The following TAAR1 variants were observed in gnomAD, a reference collection of about 807,000 sequenced individuals.
TAAR1 encodes trace amine-associated receptor 1.
Under a neutral mutation model 1.2 loss-of-function variants are expected in TAAR1, and 1 was observed. The observed-to-expected ratio is 0.81, with a 90% CI of 0.29 to 3.86. The LOEUF (loss-of-function observed/expected upper bound fraction) is 3.86. Ranked by LOEUF, TAAR1 falls within the 30% of genes most tolerant of loss-of-function variation. The pLI is 0.18. For synonymous variants in TAAR1, 153 were observed against 132.2 expected, an observed-to-expected ratio of 1.16 and a Z score of -1.08; for missense variants, 445 against 405.6, an observed-to-expected ratio of 1.10 and a Z score of -0.83.
In TAAR1 at chr6:132,658,106, CAATAAT is replaced by C. The variant is rs1434888928; in HGVS notation, c.-127+1018_-127+1023del. On this transcript the variant is annotated intron_variant, in intron 1 of 1. Transcript: ENST00000275216. The stretch of plus-strand genomic sequence containing the variant: ...GTTCTATTATAAAATGTAAAATAGA[CAATAAT>C]AATTTTACTCCAAAACTATACTTGT... Among the ~76,000 whole-genome samples, 4 of 151,940 alleles carry C rather than the reference CAATAAT, an allele frequency of 2.6e-5. No homozygotes were observed. The South Asian group carries it at 6.2e-4, about 24-fold the overall frequency.
At chr6:132,656,714 G>T (rs1777807759) in intron 1 of TAAR1, among the ~76,000 whole-genome samples, 2 of 152,136 alleles carry the variant, frequency 1.3e-5, no homozygotes, top group African/African-American at 4.8e-5. Flanking sequence ...GAAAGAACTG[G>T]TTATTTTAAA....
intron 1 of TAAR1, among the ~76,000 whole-genome samples, chr6:132,653,678 A>C (rs2114286170): frequency 6.6e-6 from 1 of 152,318 alleles, no homozygotes; most frequent in Non-Finnish European, 1.5e-5. Context: ...GATTTGTGGG[A>C]GAGAATTTAA....
chr6:132,651,567 A>G (rs1417309591), intron 1 of TAAR1, among the ~76,000 whole-genome samples: 1 of 152,162 alleles, frequency 6.6e-6, no homozygotes, highest in Non-Finnish European at 1.5e-5. Context: ...TCATCAATAA[A>G]TGATCTTGGC....
intron 1 of TAAR1, among the ~76,000 whole-genome samples, chr6:132,653,030 T>A (rs1309681085): frequency 6.6e-6 from 1 of 152,040 alleles, no homozygotes; most frequent in African/African-American, 2.4e-5. Context: ...AACAGTGGTG[T>A]CCTAATGAAC....
chr6:132,645,836 G>A lies in TAAR1; in HGVS notation c.168C>T (p.Thr56=), dbSNP rs372507128. Residue 56 remains threonine, a synonymous_variant, in exon 2 of 2, where the codon ACC becomes ACT. Transcript: ENST00000275216. The part of the protein sequence containing the change: ...VSISHFKQLH[T]PTNWLIHSMA... The stretch of plus-strand genomic sequence containing the variant: ...TGGAATGAATGAGCCAATTTGTTGG[G>A]GTATGAAGTTGTTTGAAGTGTGATA... 8.1e-6 allele frequency: 13 copies of A among 1,613,618 alleles called. No individual in the cohort carries two copies. The East Asian group carries it at 2.9e-4, about 36-fold the overall frequency.
intron 1 of TAAR1, among the ~76,000 whole-genome samples, chr6:132,649,773 A>G (rs1777730672): frequency 6.6e-6 from 1 of 152,122 alleles, no homozygotes; most frequent in Non-Finnish European, 1.5e-5. Context: ...ATTACCTCCC[A>G]CCAGGTCCCT....
At position 132,646,128 on chromosome 6, in the gene TAAR1, A is replaced by C; in HGVS notation, c.-125T>G. On this transcript the variant is annotated splice_region_variant and 5_prime_UTR_variant, in exon 2 of 2. Transcript: ENST00000275216. ...TTATTTGCACATACTTATCCCAGAA[A>C]CCTAGGAGGAAAAATAAAAGAGTAA... 1 of 1,088,808 alleles carries C rather than the reference A, an allele frequency of 9.2e-7. No individual in the cohort carries two copies. Among genetic ancestry groups the C allele is most frequent in the Non-Finnish European group, 1.3e-6 (1 of 766,928 alleles). 67.4% of individuals were successfully genotyped at this position (1,088,808 alleles called of 1,614,324 possible).
In TAAR1 at chr6:132,643,795, G is replaced by C. The variant is rs1305175806; in HGVS notation, c.*1189C>G. Among the ~76,000 whole-genome samples the C allele has an allele frequency of 2.6e-5, 4 of 152,026 alleles. No homozygotes were observed. In the East Asian group the frequency reaches 5.8e-4, roughly 22 times the overall value. ...TTAGAATGTTTGCCCACTTCCTTTA[G>C]AGAATCTTATTTGAAACCATTATTT... is the stretch of plus-strand genomic sequence containing the variant. On this transcript the variant is annotated 3_prime_UTR_variant, in exon 2 of 2. Transcript: ENST00000275216.
intron 1 of TAAR1, among the ~76,000 whole-genome samples, chr6:132,655,794 G>A (rs1777799372): frequency 6.6e-6 from 1 of 152,234 alleles, no homozygotes. Context: ...TTGGAGCACA[G>A]CAATGTTTGT....
At chr6:132,649,260 C>T (rs1209726267) in intron 1 of TAAR1, among the ~76,000 whole-genome samples, 2 of 152,066 alleles carry the variant, frequency 1.3e-5, no homozygotes, top group African/African-American at 4.8e-5. Context: ...ATCTGCTTCC[C>T]ACTCTTTGTT....
chr6:132,653,467 A>T (rs1028984818), intron 1 of TAAR1, among the ~76,000 whole-genome samples: 1 of 152,118 alleles, frequency 6.6e-6, no homozygotes, highest in Non-Finnish European at 1.5e-5. Flanking sequence ...TGTGTGTGTT[A>T]TTCTTTGTGT....
At chr6:132,648,534 C>T (rs73775161) in intron 1 of TAAR1, among the ~76,000 whole-genome samples, 1,747 of 152,252 alleles carry the variant, frequency 0.011, 29 homozygotes, top group African/African-American at 0.04. Flanking sequence ...TTTGCACATA[C>T]TGGTTTAAGA....
chr6:132,645,311 G>T lies in TAAR1; in HGVS notation c.693C>A (p.Leu231=). The change falls in exon 2 of 2, where the codon CTC becomes CTA. Residue 231 remains leucine (L), a synonymous_variant. Coordinates refer to ENST00000275216, the MANE Select transcript of TAAR1 (RefSeq NM_138327.4). ...ARLISDANQK[L]QIGLEMKNGI... is the part of the protein sequence containing the mutation. Reference sequence around the variant, plus strand: ...CATTTTTCATTTCCAATCCAATTTGGAGCTTCTGATTGGCATCACTAATTA... The same window carrying T: ...CATTTTTCATTTCCAATCCAATTTGTAGCTTCTGATTGGCATCACTAATTA... 3.1e-6 allele frequency: 5 copies of T among 1,613,378 alleles called. No homozygotes were observed. Among genetic ancestry groups the T allele is most frequent in the Non-Finnish European group, 4.2e-6 (5 of 1,179,712 alleles).
rs41286174 is a variant in TAAR1, at chr6:132,645,612, T to C, written c.392A>G (p.Tyr131Cys). The change falls in exon 2 of 2, where the codon TAT becomes TGT. Residue 131 changes from tyrosine to cysteine, a missense_variant. Tyr to Cys is a radical substitution (Grantham distance 194). Coordinates refer to ENST00000275216, the MANE Select transcript of TAAR1 (RefSeq NM_138327.4). ...AACCAAGATATTCATCTTGGCTTTA[T>C]ATCTCAGTGGATCACACACAGCATA... is the stretch of plus-strand genomic sequence containing the variant. Reference protein sequence around the residue: ...RYYAVCDPLRYKAKMNILVIC... With the variant: ...RYYAVCDPLRCKAKMNILVIC... 1.9e-6 allele frequency: 3 copies of C among 1,613,700 alleles called. No homozygotes were observed. The highest frequency in any genetic ancestry group is 2.5e-6 in the Non-Finnish European group (3 of 1,179,828).
chr6:132,658,842 T>C (rs1021088025), intron 1 of TAAR1, among the ~76,000 whole-genome samples: 15 of 152,182 alleles, frequency 9.9e-5, no homozygotes, highest in African/African-American at 3.6e-4. Context: ...CATAAATGAA[T>C]TTTTAATAAA....
chr6:132,656,731 G>T (rs1015946282), intron 1 of TAAR1, among the ~76,000 whole-genome samples: 2 of 152,156 alleles, frequency 1.3e-5, no homozygotes, highest in Non-Finnish European at 2.9e-5. Context: ...TAAAAGGAAA[G>T]AAGTTCAGGC....
intron 1 of TAAR1, among the ~76,000 whole-genome samples, chr6:132,658,699 A>T (rs191514610): frequency 6.6e-6 from 1 of 152,190 alleles, no homozygotes; most frequent in Admixed American, 6.5e-5. Flanking sequence ...TAATTGTAAA[A>T]CCTAAAAAAA....
At chr6:132,651,475 C>A (rs577140105) in intron 1 of TAAR1, among the ~76,000 whole-genome samples, 2 of 152,176 alleles carry the variant, frequency 1.3e-5, no homozygotes, top group Non-Finnish European at 2.9e-5. Context: ...ATATCTAGAA[C>A]ATGACAACTC....
rs1367027207 is a variant in TAAR1 at position 132,645,986 on chromosome 6, G to T, written c.18C>A (p.His6Gln). The T allele has an allele frequency of 2.5e-6, 4 of 1,597,572 alleles. No individual in the cohort carries two copies. Among genetic ancestry groups the T allele is most frequent in the Non-Finnish European group, 3.4e-6 (4 of 1,169,420 alleles). ...TCACACAGGAAATATTAATTATATT[G>T]TGGCAAAAGGGCATCATTCCTGAGG... MMPFC[H>Q]NIINISCVKN... The change falls in exon 2 of 2, where the codon CAC (histidine) becomes CAA (glutamine). Residue 6 changes from histidine to glutamine, a missense_variant. Physicochemically the swap from His to Gln is conservative, Grantham distance 24 (BLOSUM62 0). Transcript: ENST00000275216.
Sources: allele counts gnomAD v4.1 joint callset (sites outside exome capture counted in the v4.1 genomes callset), GRCh38; gene constraint gnomAD v4.1.1; transcripts MANE v1.5; gene names NCBI Gene and HGNC (gene_info 2026-07-23, HGNC 2026-07-21).